The following VPS13B variants were observed in gnomAD, a reference collection of about 807,000 sequenced individuals.
VPS13B encodes the protein intermembrane lipid transfer protein VPS13B.
Under a neutral mutation model 426.4 loss-of-function variants are expected in VPS13B, and 285 were observed. The observed-to-expected ratio is 0.67, with a 90% CI of 0.61 to 0.74. The LOEUF (loss-of-function observed/expected upper bound fraction) is 0.74, where lower values mean the gene tolerates loss of function less well. Ranked by LOEUF, VPS13B falls within the 30% of genes least tolerant of loss-of-function variation. The pLI is 0.00. For synonymous variants in VPS13B, 1,676 were observed against 1,676.4 expected, an observed-to-expected ratio of 1.00 and a Z score of 0.01; for missense variants, 4,537 against 4,782.6, an observed-to-expected ratio of 0.95 and a Z score of 1.51.
chr8:99,386,042 A>G (rs1192110594), intron 20 of VPS13B, among the ~76,000 whole-genome samples: 2 of 152,192 alleles, frequency 1.3e-5, no homozygotes, highest in African/African-American at 2.4e-5. Context: ...TGGATTTTAG[A>G]AAGTTTACTC....
intron 19 of VPS13B, among the ~76,000 whole-genome samples, chr8:99,360,188 T>TC (rs1812459595): frequency 7.5e-4 from 21 of 28,030 alleles, no homozygotes; most frequent in African/African-American, 2.9e-3. Flanking sequence ...CTTTCTTTCT[T>TC]TCTCTCTCTC....
At chr8:99,686,006 G>C (rs1372268224) in intron 35 of VPS13B, among the ~76,000 whole-genome samples, 1 of 152,024 alleles carries the variant, frequency 6.6e-6, no homozygotes, top group Non-Finnish European at 1.5e-5. Flanking sequence ...GGCTTTCCAG[G>C]TATACGAAGA....
At chr8:99,646,928 G>A (rs150207795) in intron 34 of VPS13B, among the ~76,000 whole-genome samples, 2 of 152,176 alleles carry the variant, frequency 1.3e-5, no homozygotes, top group East Asian at 1.9e-4. Flanking sequence ...GCAGTGTACC[G>A]CCTGCAGAGC....
In VPS13B at chr8:99,038,602, T is replaced by A. The variant is rs1842842777; in HGVS notation, c.291+36T>A. On this transcript the variant is annotated intron_variant, in intron 3 of 61. Coordinates refer to ENST00000357162, the MANE Select transcript of VPS13B (RefSeq NM_152564.5). ...ATTGAACCAAGTTGTTTATGTTAAC[T>A]AATTTTAGTAGTATTTGACATTTCT... The A allele has an allele frequency of 1.9e-6, 3 of 1,578,740 alleles. No homozygotes were observed. The African/African-American group carries it at 4.1e-5, about 21-fold the overall frequency.
chr8:99,771,535 A>T (rs963052256), intron 40 of VPS13B, among the ~76,000 whole-genome samples: 1 of 152,222 alleles, frequency 6.6e-6, no homozygotes, highest in African/African-American at 2.4e-5. Context: ...TGAGACAGTG[A>T]TCCACAGCCT....
chr8:99,299,650 G>A (rs941595747), intron 19 of VPS13B, among the ~76,000 whole-genome samples: 2 of 151,350 alleles, frequency 1.3e-5, no homozygotes, highest in Non-Finnish European at 2.9e-5. Context: ...GGTGGCTCAT[G>A]CCTGTAATCC....
intron 48 of VPS13B, 115 bp from the exon 49 acceptor site, chr8:99,819,806 T>G (rs1252230555): frequency 2.9e-6 from 4 of 1,359,756 alleles, no homozygotes; most frequent in Admixed American, 1.9e-5. Flanking sequence ...TGAAAGATTC[T>G]GGTATGAGGA....
At chr8:99,764,793 C>G (rs1336065105) in intron 39 of VPS13B, among the ~76,000 whole-genome samples, 1 of 152,130 alleles carries the variant, frequency 6.6e-6, no homozygotes, top group Admixed American at 6.5e-5. Context: ...AACCAATCCT[C>G]TATTGATGAT....
chr8:99,652,617 A>C (rs979252303), intron 34 of VPS13B, among the ~76,000 whole-genome samples: 2 of 152,104 alleles, frequency 1.3e-5, no homozygotes, highest in Non-Finnish European at 2.9e-5. Flanking sequence ...GTAAACGAAC[A>C]GTTGAAAAAT....
chr8:99,654,282 T>C (rs1829939117), intron 34 of VPS13B, among the ~76,000 whole-genome samples: 1 of 151,488 alleles, frequency 6.6e-6, no homozygotes, highest in Non-Finnish European at 1.5e-5. Context: ...TCTCCTGACC[T>C]TGTGATCCGC....
chr8:99,359,660 T>G (rs1812385350), intron 19 of VPS13B, among the ~76,000 whole-genome samples: 1 of 152,236 alleles, frequency 6.6e-6, no homozygotes, highest in South Asian at 2.1e-4. Flanking sequence ...AACAACAGTT[T>G]AAATGTAGAG....
At chr8:99,677,628 G>C (rs1830993860) in intron 35 of VPS13B, among the ~76,000 whole-genome samples, 1 of 152,122 alleles carries the variant, frequency 6.6e-6, no homozygotes, top group Non-Finnish European at 1.5e-5. Flanking sequence ...GAACTACTTG[G>C]CTAAGTAATA....
intron 19 of VPS13B, among the ~76,000 whole-genome samples, chr8:99,355,609 A>G (rs972682261): frequency 5.3e-5 from 8 of 152,074 alleles, no homozygotes; most frequent in African/African-American, 1.9e-4. Context: ...CAAACCAACC[A>G]ACAAAAAACC....
At chr8:99,016,518 T>G (rs1309887279) in intron 2 of VPS13B, among the ~76,000 whole-genome samples, 10 of 151,618 alleles carry the variant, frequency 6.6e-5, no homozygotes, top group African/African-American at 1.7e-4. Flanking sequence ...TTTTTTTTTT[T>G]TGTGAAGTCT....
Position 99,832,658 on chromosome 8 carries a change from TTA to T in VPS13B, c.9614+8_9614+9del. 3 of 1,613,192 alleles carry T rather than the reference TTA, an allele frequency of 1.9e-6. No homozygotes were observed. The highest frequency in any genetic ancestry group is 2.5e-6 in the Non-Finnish European group (3 of 1,179,898). ...GAAAATGGATTCTGTACCAGGTATT[TTA>T]TGTTTATATAAATGTCTGTTCTTCT... On this transcript the variant is annotated splice_region_variant and intron_variant, in intron 52 of 61. Transcript: ENST00000357162.
intron 17 of VPS13B, among the ~76,000 whole-genome samples, chr8:99,225,399 C>T (rs1815962250): frequency 6.6e-6 from 1 of 152,028 alleles, no homozygotes; most frequent in South Asian, 2.1e-4. Flanking sequence ...GCCTCAGCCT[C>T]CCGAGTAGCT....
chr8:99,800,131 C>T lies in VPS13B; in HGVS notation c.7942-9244C>T, dbSNP rs553627772. ...TTGACATAACTTAAGCAATCAAAGT[C>T]GTATTTATTTTACTTATTTTTAAAA... On this transcript the variant is annotated intron_variant, in intron 43 of 61. Transcript: ENST00000357162. 3.3e-5 allele frequency among the ~76,000 whole-genome samples: 5 copies of T among 152,134 alleles called. No homozygotes were observed. In the South Asian group the frequency reaches 6.2e-4, roughly 19 times the overall value.
At chr8:99,609,528 G>C (rs1387127435) in intron 33 of VPS13B, among the ~76,000 whole-genome samples, 3 of 152,156 alleles carry the variant, frequency 2.0e-5, no homozygotes, top group Non-Finnish European at 4.4e-5. Context: ...TGGAGGAACT[G>C]TAGTTTTGTC....
chr8:99,730,937 A>T (rs1263077634), intron 39 of VPS13B, among the ~76,000 whole-genome samples: 1 of 152,142 alleles, frequency 6.6e-6, no homozygotes, highest in East Asian at 1.9e-4. Context: ...GAATTGAGAC[A>T]TCAAGACAAG....
Sources: gnomAD v4.1 joint callset for allele counts (sites outside exome capture counted in the v4.1 genomes callset) on GRCh38, gnomAD v4.1.1 for gene constraint, MANE v1.5 for transcripts, NCBI Gene and HGNC (gene_info 2026-07-23, HGNC 2026-07-21) for gene names.